Variants in IRAK1BP1 observed in about 807,000 individuals in gnomAD.
The protein encoded by IRAK1BP1 is interleukin-1 receptor-associated kinase 1-binding protein 1.
In IRAK1BP1, 24 loss-of-function variants were observed where a neutral mutation model predicts 28.0. The observed-to-expected ratio is 0.86, with a 90% confidence interval of 0.62 to 1.20. The LOEUF is 1.20. IRAK1BP1 is among the 50% of genes most tolerant of loss of function. The pLI, the probability that IRAK1BP1 is intolerant of heterozygous loss-of-function variation, is 0.00. For missense variants in IRAK1BP1, 336 were observed against 316.7 expected (o/e 1.06, Z -0.46); for synonymous variants, 131 against 116.3 (o/e 1.13, Z -0.81).
chr6:78,921,204 G>GAA (rs2127665719), intron 4 of IRAK1BP1, among the ~76,000 whole-genome samples: 1 of 152,310 alleles, frequency 6.6e-6, no homozygotes, highest in African/African-American at 2.4e-5. Context: ...ATGGCAACTA[G>GAA]AAAATCGGGT....
chr6:78,884,367 G>T (rs1771337454), intron 1 of IRAK1BP1, among the ~76,000 whole-genome samples: 1 of 151,982 alleles, frequency 6.6e-6, no homozygotes, highest in African/African-American at 2.4e-5. Context: ...AGTTTTGCTT[G>T]TCCCCAAAGA....
intron 4 of IRAK1BP1, among the ~76,000 whole-genome samples, chr6:78,911,065 G>A (rs964490240): frequency 6.6e-6 from 1 of 152,144 alleles, no homozygotes; most frequent in Admixed American, 6.5e-5. Flanking sequence ...GATGGCCTTC[G>A]TGTCCTCTGC....
chr6:78,977,066 C>T, the IRAK1BP1 span, among the ~76,000 whole-genome samples: 11 of 123,638 alleles, frequency 8.9e-5, no homozygotes, highest in East Asian at 5.2e-4. Context: ...GCTATAAAGA[C>T]ACATGCACAC....
chr6:78,874,894 G>A (rs1337739297), intron 1 of IRAK1BP1, among the ~76,000 whole-genome samples: 2 of 152,076 alleles, frequency 1.3e-5, no homozygotes, highest in African/African-American at 2.4e-5. Context: ...TAGACAAATG[G>A]GACTTAATTA....
chr6:78,945,377 G>GGCTTTT lies in IRAK1BP1; in HGVS notation c.*68-30_*68-25dup, dbSNP rs1352669255. On this transcript the variant is annotated intron_variant and NMD_transcript_variant, in intron 4 of 4. Transcript: ENST00000606868. Reference sequence around the variant, plus strand: ...AGATGACTTCATTTTACGTTTGACTGGCTTTTCCTTTTCCATGTTTTCTTT... The same window carrying GGCTTTT: ...AGATGACTTCATTTTACGTTTGACTGGCTTTTGCTTTTCCTTTTCCATGTTTTCTTT... 1.2e-6 allele frequency: 2 copies of GGCTTTT among 1,613,428 alleles called. No individual in the cohort carries two copies. The highest frequency in any genetic ancestry group is 1.7e-5 in the Admixed American group (1 of 59,982).
Position 78,883,365 on chromosome 6 carries a change from T to C in IRAK1BP1, c.316-2013T>C, listed in dbSNP as rs185813570. On this transcript the variant is annotated intron_variant, in intron 1 of 3. Coordinates refer to ENST00000369940, the MANE Select transcript of IRAK1BP1 (RefSeq NM_001010844.4). ...ATTGATGGTTTATTAAAATGTTTAC[T>C]AAAATATTAACAGTAATGGGGTTTG... Among the ~76,000 whole-genome samples the C allele has an allele frequency of 5.7e-4, 87 of 152,372 alleles. 1 individual carries two copies. In the East Asian group the frequency reaches 0.013, roughly 23 times the overall value.
chr6:78,969,312 G>A, the IRAK1BP1 span, among the ~76,000 whole-genome samples: 2 of 152,038 alleles, frequency 1.3e-5, no homozygotes, highest in African/African-American at 4.8e-5. Context: ...ACACACACTG[G>A]TCCTATATGA....
At chr6:78,906,252 T>G (rs1426913332), downstream of IRAK1BP1, among the ~76,000 whole-genome samples, 1 of 152,122 alleles carries the variant, frequency 6.6e-6, no homozygotes, top group African/African-American at 2.4e-5. Context: ...GTAACCTAGT[T>G]TATTTTGCAC....
At chr6:78,943,762 G>A (rs1253462029) in intron 4 of IRAK1BP1, among the ~76,000 whole-genome samples, 1 of 152,000 alleles carries the variant, frequency 6.6e-6, no homozygotes, top group Non-Finnish European at 1.5e-5. Flanking sequence ...CGAGTGGGGT[G>A]GATCACCAGA....
chr6:78,964,087 G>T, the IRAK1BP1 span, among the ~76,000 whole-genome samples: 1 of 152,094 alleles, frequency 6.6e-6, no homozygotes, highest in African/African-American at 2.4e-5. Context: ...ATTCACAACA[G>T]TTCAATGTGA....
intron 4 of IRAK1BP1, among the ~76,000 whole-genome samples, chr6:78,912,588 A>G (rs1772456226): frequency 6.6e-6 from 1 of 152,196 alleles, no homozygotes; most frequent in Non-Finnish European, 1.5e-5. Flanking sequence ...CTGCAGTGAT[A>G]CAAAGGAACT....
intron 1 of IRAK1BP1, among the ~76,000 whole-genome samples, chr6:78,881,877 A>G (rs1282212662): frequency 6.6e-6 from 1 of 152,154 alleles, no homozygotes; most frequent in Non-Finnish European, 1.5e-5. Flanking sequence ...ACAGATAAAA[A>G]TGGAAGGTTA....
At chr6:78,897,008 C>T (rs1170678703) in intron 2 of IRAK1BP1, among the ~76,000 whole-genome samples, 1 of 151,818 alleles carries the variant, frequency 6.6e-6, no homozygotes, top group African/African-American at 2.4e-5. Context: ...CTCATGTCTA[C>T]AACCGCTAAG....
chr6:78,886,880 C>T (rs1447692412), intron 2 of IRAK1BP1, among the ~76,000 whole-genome samples: 1 of 152,136 alleles, frequency 6.6e-6, no homozygotes. Flanking sequence ...GTTTTATATT[C>T]AGATTTCTTA....
intron 4 of IRAK1BP1, among the ~76,000 whole-genome samples, chr6:78,943,046 T>C (rs1266663745): frequency 2.0e-5 from 3 of 152,184 alleles, no homozygotes; most frequent in Non-Finnish European, 4.4e-5. Flanking sequence ...TCAATTTAAA[T>C]ACCAAAGCAG....
chr6:78,966,139 C>T, the IRAK1BP1 span: 2 of 806,754 alleles, frequency 2.5e-6, no homozygotes, highest in East Asian at 4.9e-5. Flanking sequence ...CCTTTAAGTA[C>T]CTAAACTGCC....
At chr6:78,970,258 T>C in the IRAK1BP1 span, 6 of 1,186,994 alleles carry the variant, frequency 5.1e-6, no homozygotes, top group Admixed American at 1.2e-4. Flanking sequence ...AAAAAACTTC[T>C]TGGTTTAAAT....
At chr6:78,928,888 T>G (rs1373089945) in intron 4 of IRAK1BP1, among the ~76,000 whole-genome samples, 1 of 152,204 alleles carries the variant, frequency 6.6e-6, no homozygotes, top group Non-Finnish European at 1.5e-5. Flanking sequence ...ATGATCTTTT[T>G]CACTTATTGT....
At chr6:78,930,946 T>TA (rs1773028340) in intron 4 of IRAK1BP1, among the ~76,000 whole-genome samples, 1 of 92,776 alleles carries the variant, frequency 1.1e-5, no homozygotes, top group Non-Finnish European at 2.1e-5. Context: ...TAAATAAAAA[T>TA]AAAAAATAAA....
Sources: allele counts gnomAD v4.1 joint callset (sites outside exome capture counted in the v4.1 genomes callset), GRCh38; gene constraint gnomAD v4.1.1; transcripts MANE v1.5; gene names NCBI Gene and HGNC (gene_info 2026-07-23, HGNC 2026-07-21).